RTN3: variants seen among roughly 807,000 people sequenced by gnomAD.
RTN3 encodes reticulon-3.
Under a neutral mutation model 77.8 loss-of-function variants are expected in RTN3, and 49 were observed. The ratio of observed to expected loss-of-function variants is 0.63; its 90% CI spans 0.50 to 0.80. The LOEUF is 0.80. RTN3 is among the 30% of genes least tolerant of loss of function. RTN3 has a pLI of 0.00. For synonymous variants in RTN3, 464 were observed against 446.9 expected, an observed-to-expected ratio of 1.04 and a Z score of -0.48; for missense variants, 1,236 against 1,211.9, an observed-to-expected ratio of 1.02 and a Z score of -0.29.
intron 7 of RTN3, among the ~76,000 whole-genome samples, chr11:63,754,699 CAAA>C (rs35847577): frequency 3.5e-4 from 17 of 48,814 alleles, no homozygotes; most frequent in Admixed American, 1.2e-3. Flanking sequence ...GACTCCATCT[CAAA>C]AAAAAAAAAA....
At chr11:63,698,079 ACT>A (rs1942056098) in intron 1 of RTN3, among the ~76,000 whole-genome samples, 7 of 143,070 alleles carry the variant, frequency 4.9e-5, no homozygotes, top group Admixed American at 4.9e-4. Context: ...CCCCTCTACC[ACT>A]CTCATTTTAG....
intron 2 of RTN3, chr11:63,714,036 A>G (rs1208610867): frequency 1.9e-6 from 1 of 518,728 alleles, no homozygotes; most frequent in Admixed American, 1.9e-5. Flanking sequence ...GTCTTTGCTT[A>G]TCGGAGCTGT....
intron 2 of RTN3, among the ~76,000 whole-genome samples, chr11:63,712,875 C>T (rs2011202789): frequency 6.6e-6 from 1 of 152,158 alleles, no homozygotes; most frequent in African/African-American, 2.4e-5. Flanking sequence ...GCAGGCGAAT[C>T]ACCTGAGGTT....
chr11:63,738,124 G>A (rs1309960368), intron 3 of RTN3, among the ~76,000 whole-genome samples: 1 of 152,122 alleles, frequency 6.6e-6, no homozygotes, highest in East Asian at 1.9e-4. Flanking sequence ...AATAATCTGT[G>A]TAAAAATGTC....
At chr11:63,755,305 G>A (rs1277437401) in intron 7 of RTN3, among the ~76,000 whole-genome samples, 1 of 152,156 alleles carries the variant, frequency 6.6e-6, no homozygotes, top group Non-Finnish European at 1.5e-5. Context: ...TTAACAAAGT[G>A]TGGGGTGTTT....
chr11:63,703,176 C>T (rs1379692201), intron 1 of RTN3, among the ~76,000 whole-genome samples: 1 of 152,056 alleles, frequency 6.6e-6, no homozygotes, highest in African/African-American at 2.4e-5. Flanking sequence ...ATAGCATTTA[C>T]GTTGTATTAG....
At chr11:63,724,784 C>G (rs1366714379) in intron 3 of RTN3, among the ~76,000 whole-genome samples, 1 of 152,100 alleles carries the variant, frequency 6.6e-6, no homozygotes, top group African/African-American at 2.4e-5. Flanking sequence ...AGCCACGGAA[C>G]CCAGCTGGAA....
chr11:63,733,617 C>T (rs188328504), intron 3 of RTN3, among the ~76,000 whole-genome samples: 1 of 152,112 alleles, frequency 6.6e-6, no homozygotes, highest in African/African-American at 2.4e-5. Context: ...TTCCTGTAAT[C>T]TCAACACTCT....
intron 3 of RTN3, among the ~76,000 whole-genome samples, chr11:63,748,132 G>T (rs2013902324): frequency 6.6e-6 from 1 of 151,172 alleles, no homozygotes; most frequent in Non-Finnish European, 1.5e-5. Context: ...GGCCAATATG[G>T]TGAAACCCTG....
chr11:63,705,088 A>G (rs1942433109), intron 2 of RTN3, among the ~76,000 whole-genome samples, 181 bp downstream of exon 2: 1 of 152,264 alleles, frequency 6.6e-6, no homozygotes, highest in Non-Finnish European at 1.5e-5. Context: ...TTAATAAAGT[A>G]AAATGAGGCT....
chr11:63,741,699 C>T (rs2013491260), intron 3 of RTN3, among the ~76,000 whole-genome samples: 1 of 151,830 alleles, frequency 6.6e-6, no homozygotes, highest in South Asian at 2.1e-4. Context: ...TGGGGTTCTG[C>T]CGTGTTGGCC....
At chr11:63,694,975 GCTGT>G (rs1385036648) in intron 1 of RTN3, among the ~76,000 whole-genome samples, 1 of 152,182 alleles carries the variant, frequency 6.6e-6, no homozygotes, top group African/African-American at 2.4e-5. Flanking sequence ...AGAGGGAACT[GCTGT>G]CTTAGTAACT....
Position 63,708,282 on chromosome 11 carries a change from ATTGT to A in RTN3, c.199+3376_199+3379del, listed in dbSNP as rs577142764. 6.8e-4 allele frequency among the ~76,000 whole-genome samples: 104 copies of A among 152,240 alleles called. No homozygotes were observed. The Middle Eastern group carries it at 0.014, about 20-fold the overall frequency. Reference sequence around the variant, plus strand: ...ACCTTAGCTATCTAGCCTTAGGGAAATTGTGTCTATTTTTATATACCCCAATCAT... The same window carrying A: ...ACCTTAGCTATCTAGCCTTAGGGAAAGTCTATTTTTATATACCCCAATCAT... On this transcript the variant is annotated intron_variant, in intron 2 of 8. Transcript: ENST00000377819.
rs1457815323 is a variant in RTN3, at chr11:63,720,877, T to A, written c.2375T>A (p.Ile792Asn). The A allele has an allele frequency of 5.6e-6, 9 of 1,613,948 alleles. No individual in the cohort carries two copies. The highest frequency in any genetic ancestry group is 7.6e-6 in the Non-Finnish European group (9 of 1,180,030). ...TCTTGGCCACAGAGATCATATGACA[T>A]CCTAGAACGTAATGTCAAGAATGGA... ...PESWPQRSYD[I>N]LERNVKNGSD... The change falls in exon 3 of 9, where the codon ATC becomes AAC. Residue 792 changes from isoleucine to asparagine, a missense_variant. Ile to Asn is a moderately radical substitution (Grantham distance 149). Coordinates refer to ENST00000377819, the MANE Select transcript of RTN3 (RefSeq NM_001265589.2).
At position 63,746,653 on chromosome 11, in the gene RTN3, T is replaced by C. The variant is rs374625796; in HGVS notation, c.2531-3338T>C. On this transcript the variant is annotated intron_variant, in intron 3 of 8. Transcript: ENST00000377819. ...CCTCAGCCTCCTGAGTAGCTGGGACTATGGGCACCCGCCACCACGCCCAGC... is the reference window on the plus strand; with the variant it reads ...CCTCAGCCTCCTGAGTAGCTGGGACCATGGGCACCCGCCACCACGCCCAGC... Among the ~76,000 whole-genome samples, 5 of 152,188 alleles carry C rather than the reference T, an allele frequency of 3.3e-5. 1 individual carries two copies. The East Asian group carries it at 9.7e-4, about 29-fold the overall frequency.
At chr11:63,710,698 A>G (rs1271074183) in intron 2 of RTN3, among the ~76,000 whole-genome samples, 2 of 151,538 alleles carry the variant, frequency 1.3e-5, no homozygotes, top group East Asian at 3.9e-4. Flanking sequence ...TCTCCAACAC[A>G]TACCAAATGT....
chr11:63,738,632 T>TAAA lies in RTN3; in HGVS notation c.2531-11344_2531-11342dup, dbSNP rs60275741. On this transcript the variant is annotated intron_variant, in intron 3 of 8. Transcript: ENST00000377819. Reference sequence around the variant, plus strand: ...GGGTGACAGAGTGAGACCCTGTCTTTAAAAAAAAAAAAAAAAAGAAGGTAA... The same window carrying TAAA: ...GGGTGACAGAGTGAGACCCTGTCTTTAAAAAAAAAAAAAAAAAAAAGAAGGTAA... Among the ~76,000 whole-genome samples the TAAA allele has an allele frequency of 9.4e-5, 13 of 138,618 alleles. No individual in the cohort carries two copies. In the East Asian group the frequency reaches 1.0e-3, roughly 11 times the overall value. 90.9% of individuals were successfully genotyped at this position (138,618 alleles called of 152,430 possible).
At chr11:63,731,073 G>A (rs1328462767) in intron 3 of RTN3, among the ~76,000 whole-genome samples, 1 of 151,378 alleles carries the variant, frequency 6.6e-6, no homozygotes, top group Non-Finnish European at 1.5e-5. Flanking sequence ...AAATTTCAAA[G>A]GATTTTTTTT....
At chr11:63,737,594 A>G (rs2013212582) in intron 3 of RTN3, among the ~76,000 whole-genome samples, 2 of 152,192 alleles carry the variant, frequency 1.3e-5, no homozygotes, top group Admixed American at 1.3e-4. Context: ...TGCTCAACAG[A>G]ATGAGACTCT....
Sources: allele counts gnomAD v4.1 joint callset (sites outside exome capture counted in the v4.1 genomes callset), GRCh38; gene constraint gnomAD v4.1.1; transcripts MANE v1.5; gene names NCBI Gene and HGNC (gene_info 2026-07-23, HGNC 2026-07-21).